Variants in COL21A1 observed in about 807,000 individuals in gnomAD.
The protein encoded by COL21A1 is collagen alpha-1(XXI) chain.
A neutral mutation model predicts 137.9 loss-of-function variants in COL21A1; 149 were observed. The ratio of observed to expected loss-of-function variants is 1.08; its 90% CI spans 0.95 to 1.24. The LOEUF (loss-of-function observed/expected upper bound fraction) is 1.24. COL21A1 is among the 50% of genes most tolerant of loss of function. The pLI is 0.00. For missense variants in COL21A1, 1,167 were observed against 1,158.4 expected (o/e 1.01, Z -0.11); for synonymous variants, 456 against 391.5 (o/e 1.16, Z -1.95).
intron 1 of COL21A1, among the ~76,000 whole-genome samples, chr6:56,258,583 G>A (rs1194423083): frequency 6.6e-6 from 1 of 152,054 alleles, no homozygotes; most frequent in Non-Finnish European, 1.5e-5. Flanking sequence ...AACTTTAAGT[G>A]CTCACCAGTC....
At chr6:56,283,987 T>G (rs1763846060) in intron 1 of COL21A1, among the ~76,000 whole-genome samples, 1 of 152,110 alleles carries the variant, frequency 6.6e-6, no homozygotes, top group South Asian at 2.1e-4. Context: ...GGTGAGGTGA[T>G]TTCCTCAATT....
chr6:56,348,572 GGAA>G (rs893399444), intron 1 of COL21A1, among the ~76,000 whole-genome samples: 10 of 152,104 alleles, frequency 6.6e-5, no homozygotes, highest in Admixed American at 2.6e-4. Context: ...AAGGTGGCTG[GGAA>G]GAATTCTAGG....
At chr6:56,160,683 T>A (rs1316772206) in intron 9 of COL21A1, among the ~76,000 whole-genome samples, 1 of 152,206 alleles carries the variant, frequency 6.6e-6, no homozygotes, top group East Asian at 1.9e-4. Context: ...TTTGTTTGAA[T>A]TTGTGCCACA....
At chr6:56,279,796 G>A (rs1763751469) in intron 1 of COL21A1, among the ~76,000 whole-genome samples, 1 of 152,200 alleles carries the variant, frequency 6.6e-6, no homozygotes, top group Non-Finnish European at 1.5e-5. Flanking sequence ...GACTACCAGT[G>A]TCAGATAGCT....
At chr6:56,107,869 A>C (rs1202925079) in intron 16 of COL21A1, among the ~76,000 whole-genome samples, 2 of 152,150 alleles carry the variant, frequency 1.3e-5, no homozygotes, top group South Asian at 2.1e-4. Context: ...TCTGAAACAA[A>C]GATAAAGTGT....
chr6:56,131,862 T>C (rs986739859), intron 12 of COL21A1, among the ~76,000 whole-genome samples: 10 of 152,170 alleles, frequency 6.6e-5, no homozygotes, highest in Admixed American at 2.0e-4. Flanking sequence ...ACTCTGCCTG[T>C]TGGAGACTTA....
chr6:56,123,432 T>C (rs538949115), intron 16 of COL21A1, among the ~76,000 whole-genome samples: 1 of 152,314 alleles, frequency 6.6e-6, no homozygotes, highest in East Asian at 1.9e-4. Context: ...GAACTGAATT[T>C]CTGAGCAACT....
At chr6:56,245,030 G>A (rs1782563626) in intron 1 of COL21A1, among the ~76,000 whole-genome samples, 1 of 152,154 alleles carries the variant, frequency 6.6e-6, no homozygotes, top group Non-Finnish European at 1.5e-5. Context: ...GTTTAGGCTT[G>A]TCCTTGCTCT....
Position 56,380,390 on chromosome 6 carries a change from G to C in COL21A1, c.-39+13581C>G, listed in dbSNP as rs114177778. Among the ~76,000 whole-genome samples, 1,429 of 152,224 alleles carry C rather than the reference G, an allele frequency of 9.4e-3. 20 individuals are homozygous for C. Among genetic ancestry groups the C allele is most frequent in the African/African-American group, 0.033 (1,365 of 41,538 alleles). On this transcript the variant is annotated intron_variant, in intron 1 of 28. Transcript: ENST00000370819. ...CAATGCAAAATGGACTAATATGACT[G>C]CCTTTGCCCATTTTTTCTAATGGGC...
chr6:56,315,648 T>TCCCTCTTCCTTCCTCCTC (rs1764714173), intron 1 of COL21A1, among the ~76,000 whole-genome samples: 1 of 148,636 alleles, frequency 6.7e-6, no homozygotes, highest in Admixed American at 6.7e-5. Context: ...CTCCCTCTCC[T>TCCCTCTTCCTTCCTCCTC]TCCCTCTTCC....
Position 56,074,981 on chromosome 6 carries a change from T to TGG in COL21A1, c.1911+496_1911+497dup, listed in dbSNP as rs34830483. The stretch of plus-strand genomic sequence containing the variant: ...CACTTCTAGCAATAAAGTTAAAATT[T>TGG]GGGGGGGGATTCTTGCACACATGAA... On this transcript the variant is annotated intron_variant, in intron 19 of 29. Coordinates refer to ENST00000244728, the MANE Select transcript of COL21A1 (RefSeq NM_030820.4). 1.4e-4 allele frequency among the ~76,000 whole-genome samples: 21 copies of TGG among 150,404 alleles called. 1 individual carries two copies. Among genetic ancestry groups the TGG allele is most frequent in the South Asian group, 6.3e-4 (3 of 4,800 alleles).
At chr6:56,166,390 G>A (rs535061691) in intron 7 of COL21A1, among the ~76,000 whole-genome samples, 2 of 152,208 alleles carry the variant, frequency 1.3e-5, no homozygotes, top group East Asian at 1.9e-4. Flanking sequence ...GGTGGCTCAC[G>A]CTTGTAATCC....
chr6:56,198,391 G>C (rs577882732), intron 1 of COL21A1, among the ~76,000 whole-genome samples: 4 of 152,062 alleles, frequency 2.6e-5, no homozygotes, highest in African/African-American at 9.7e-5. Flanking sequence ...ATGATACCTA[G>C]TGAGGTAATT....
At chr6:56,187,986 A>C (rs1052928563) in intron 1 of COL21A1, among the ~76,000 whole-genome samples, 1 of 152,220 alleles carries the variant, frequency 6.6e-6, no homozygotes, top group Non-Finnish European at 1.5e-5. Flanking sequence ...AAGGTCTTGA[A>C]CAGACATATT....
chr6:56,383,292 T>C (rs1416920147), intron 1 of COL21A1, among the ~76,000 whole-genome samples: 1 of 152,130 alleles, frequency 6.6e-6, no homozygotes, highest in East Asian at 1.9e-4. Context: ...ATTAATCACA[T>C]TTATAAGGGC....
intron 1 of COL21A1, among the ~76,000 whole-genome samples, chr6:56,306,600 T>A (rs1764462897): frequency 6.6e-6 from 1 of 152,188 alleles, no homozygotes; most frequent in African/African-American, 2.4e-5. Context: ...TTAAGGACTT[T>A]TCTGCATTGA....
chr6:56,325,775 TA>T (rs1330271091), intron 1 of COL21A1, among the ~76,000 whole-genome samples: 5 of 4,302 alleles, frequency 1.2e-3, no homozygotes, highest in African/African-American at 1.3e-3. Flanking sequence ...ATATTATATA[TA>T]TTTATATAAT....
At chr6:56,285,893 A>G (rs973173271) in intron 1 of COL21A1, among the ~76,000 whole-genome samples, 3 of 150,412 alleles carry the variant, frequency 2.0e-5, no homozygotes, top group African/African-American at 7.4e-5. Context: ...TCTTCCTGCC[A>G]CAAATGATTC....
At chr6:56,164,731 C>A in intron 8 of COL21A1, 83 bp downstream of exon 8, 1 of 1,117,258 alleles carries the variant, frequency 9.0e-7, no homozygotes. Context: ...GTCTAATATA[C>A]ATACTTACAG....
Sources: allele counts gnomAD v4.1 joint callset (sites outside exome capture counted in the v4.1 genomes callset), GRCh38; gene constraint gnomAD v4.1.1; transcripts MANE v1.5; gene names NCBI Gene and HGNC (gene_info 2026-07-23, HGNC 2026-07-21).